The following WIPF3 variants were observed in gnomAD, a reference collection of about 807,000 sequenced individuals.
WIPF3 encodes the protein WAS/WASL-interacting protein family member 3.
WIPF3 carries 33 observed loss-of-function variants against 38.9 expected under a neutral mutation model. The ratio of observed to expected loss-of-function variants is 0.85; its 90% CI spans 0.64 to 1.14. The LOEUF (loss-of-function observed/expected upper bound fraction) is 1.14, where lower values mean the gene tolerates loss of function less well. Among genes scored for constraint, WIPF3 ranks in the 50% most tolerant of loss-of-function variants. WIPF3 has a pLI of 0.00. For missense variants in WIPF3, 711 were observed against 652.5 expected (o/e 1.09, Z -0.98); for synonymous variants, 324 against 269.3 (o/e 1.20, Z -1.99).
chr7:29,901,837 AAAAAAAAAAAAAG>A (rs1440584270), intron 7 of WIPF3, among the ~76,000 whole-genome samples: 18 of 142,714 alleles, frequency 1.3e-4, no homozygotes, highest in Admixed American at 4.3e-4. Flanking sequence ...AAAAAAAAAA[AAAAAAAAAAAAAG>A]AAAGAAAGAA....
At chr7:29,840,346 G>T (rs1249191154) in intron 2 of WIPF3, among the ~76,000 whole-genome samples, 1 of 152,156 alleles carries the variant, frequency 6.6e-6, no homozygotes, top group Non-Finnish European at 1.5e-5. Context: ...GCCTGGAAAG[G>T]CTCTACACAG....
At chr7:29,847,644 C>T (rs971331569) in intron 2 of WIPF3, among the ~76,000 whole-genome samples, 1 of 152,224 alleles carries the variant, frequency 6.6e-6, no homozygotes, top group African/African-American at 2.4e-5. Context: ...TAGACTCCTT[C>T]GGCCTCCCTG....
intron 1 of WIPF3, among the ~76,000 whole-genome samples, chr7:29,822,123 G>GTTTTTTTTTTTTTTTTTTTTTTTGT: frequency 1.4e-4 from 9 of 62,866 alleles, no homozygotes; most frequent in Non-Finnish European, 2.0e-4. Context: ...TTTTTTCTTA[G>GTTTTTTTTTTTTTTTTTTTTTTTGT]TTTTTTTTTT....
intron 2 of WIPF3, among the ~76,000 whole-genome samples, chr7:29,856,365 C>T (rs1228268443): frequency 6.6e-6 from 1 of 152,174 alleles, no homozygotes; most frequent in Non-Finnish European, 1.5e-5. Flanking sequence ...CAGTGTCTCA[C>T]ACCTGCAATC....
chr7:29,901,138 A>T (rs1195819436), intron 7 of WIPF3, among the ~76,000 whole-genome samples: 1 of 152,142 alleles, frequency 6.6e-6, no homozygotes, highest in Non-Finnish European at 1.5e-5. Context: ...GAGAGAGGTA[A>T]ACAATATTTC....
At chr7:29,829,297 C>T (rs979269080) in intron 1 of WIPF3, among the ~76,000 whole-genome samples, 1 of 150,860 alleles carries the variant, frequency 6.6e-6, no homozygotes, top group African/African-American at 2.4e-5. Context: ...ACTGCAACCT[C>T]CGCCTCCCAG....
At chr7:29,866,015 C>T (rs986552936) in intron 2 of WIPF3, among the ~76,000 whole-genome samples, 2 of 152,108 alleles carry the variant, frequency 1.3e-5, no homozygotes, top group Admixed American at 1.3e-4. Context: ...AAAAATTAGC[C>T]GGGCGTGATG....
intron 2 of WIPF3, among the ~76,000 whole-genome samples, chr7:29,838,160 C>T (rs1469922449): frequency 7.9e-5 from 12 of 152,184 alleles, no homozygotes; most frequent in African/African-American, 2.9e-4. Context: ...CTTTGTGATC[C>T]ACCTGCCTCA....
intron 4 of WIPF3, 130 bp downstream of exon 4, chr7:29,879,270 G>A: frequency 1.7e-6 from 2 of 1,182,336 alleles, no homozygotes; most frequent in Non-Finnish European, 2.3e-6. Flanking sequence ...AGAAGATCAT[G>A]TTCTTGGGAC....
chr7:29,856,824 C>A (rs1411158185), intron 2 of WIPF3, among the ~76,000 whole-genome samples: 1 of 152,058 alleles, frequency 6.6e-6, no homozygotes, highest in Admixed American at 6.5e-5. Context: ...TTCTGGGCAA[C>A]ATGGAAAGTT....
chr7:29,813,005 C>G (rs544927869), intron 1 of WIPF3, among the ~76,000 whole-genome samples: 1 of 152,332 alleles, frequency 6.6e-6, no homozygotes, highest in South Asian at 2.1e-4. Flanking sequence ...ACCTCAAACT[C>G]AAAATGTTTC....
chr7:29,854,399 A>C (rs1187925559), intron 2 of WIPF3, among the ~76,000 whole-genome samples: 1 of 152,224 alleles, frequency 6.6e-6, no homozygotes, highest in East Asian at 1.9e-4. Context: ...GTGGCATTTT[A>C]ATATGCACTA....
At chr7:29,889,274 T>C in intron 6 of WIPF3, 32 bp from the exon 7 acceptor site, 1 of 1,565,990 alleles carries the variant, frequency 6.4e-7, no homozygotes, top group South Asian at 1.1e-5. Context: ...GACAGTAACC[T>C]GAGTAACTCT....
At chr7:29,832,539 C>A (rs139120016) in intron 1 of WIPF3, among the ~76,000 whole-genome samples, 1 of 152,134 alleles carries the variant, frequency 6.6e-6, no homozygotes, top group African/African-American at 2.4e-5. Flanking sequence ...TTTTCCTTTT[C>A]GGTCTTTCTG....
At chr7:29,880,749 T>C (rs1785698378) in intron 4 of WIPF3, among the ~76,000 whole-genome samples, 1 of 152,122 alleles carries the variant, frequency 6.6e-6, no homozygotes, top group Admixed American at 6.5e-5. Flanking sequence ...TGGAGGTCCA[T>C]AAGGAAGTGA....
At position 29,875,841 on chromosome 7, in the gene WIPF3, C is replaced by T. The variant is rs772956355; in HGVS notation, c.102C>T (p.Asp34=). 6 of 1,614,026 alleles carry T rather than the reference C, an allele frequency of 3.7e-6. No homozygotes were observed. Among genetic ancestry groups the T allele is most frequent in the East Asian group, 2.2e-5 (1 of 44,878 alleles). Reference sequence around the variant, plus strand: ...TTACTCCCTTACAGGTAAGCACAGACACCTCCAGCTTGCGAAGGGCAGATC... The same window carrying T: ...TTACTCCCTTACAGGTAAGCACAGATACCTCCAGCTTGCGAAGGGCAGATC... ...PPPSAPPVST[D]TSSLRRADPK... Residue 34 remains aspartate, a synonymous_variant, in exon 3 of 9, where the codon GAC becomes GAT. Transcript: ENST00000242140.
At chr7:29,865,776 T>A (rs1256279378) in intron 2 of WIPF3, among the ~76,000 whole-genome samples, 1 of 152,142 alleles carries the variant, frequency 6.6e-6, no homozygotes, top group Non-Finnish European at 1.5e-5. Context: ...TAGCTGTGAG[T>A]CATTGTTTCT....
At chr7:29,910,709 T>C (rs888584892) in intron 8 of WIPF3, among the ~76,000 whole-genome samples, 1 of 152,026 alleles carries the variant, frequency 6.6e-6, no homozygotes, top group African/African-American at 2.4e-5. Context: ...TTTGACAAAA[T>C]TGAACACCTT....
In WIPF3 at chr7:29,915,555, C is replaced by T. The variant is rs1786599035; in HGVS notation, c.*1039C>T. ...CCGTCAGGCAAAACCTAGCTCCCTT[C>T]TGAGCTAAAGGAGAACCTTGCCTGA... On this transcript the variant is annotated 3_prime_UTR_variant, in exon 9 of 9. Transcript: ENST00000242140. The T allele has an allele frequency of 6.6e-6, 1 of 152,232 alleles. No homozygotes were observed. The highest frequency in any genetic ancestry group is 2.4e-5 in the African/African-American group (1 of 41,454). The allele number at this position is 152,232 out of a possible 1,614,324, so 9.4% of individuals were successfully genotyped here.
Sources: allele counts gnomAD v4.1 joint callset (sites outside exome capture counted in the v4.1 genomes callset), GRCh38; gene constraint gnomAD v4.1.1; transcripts MANE v1.5; gene names NCBI Gene and HGNC (gene_info 2026-07-23, HGNC 2026-07-21).